TSHR: variants seen among roughly 807,000 people sequenced by gnomAD.
TSHR encodes thyroid stimulating hormone receptor.
A neutral mutation model predicts 64.1 loss-of-function variants in TSHR; 51 were observed. That is an observed-to-expected ratio of 0.80 (90% CI 0.64 to 1.01). The LOEUF is 1.01. TSHR is among the 50% of genes least tolerant of loss of function. TSHR has a pLI of 0.00. For synonymous variants in TSHR, 361 were observed against 361.9 expected (o/e 1.00, Z 0.03); for missense variants, 877 against 942.8 (o/e 0.93, Z 0.91).
chr14:81,100,656 C>G (rs1250628583), intron 7 of TSHR, among the ~76,000 whole-genome samples: 1 of 152,246 alleles, frequency 6.6e-6, no homozygotes, highest in Non-Finnish European at 1.5e-5. Flanking sequence ...GTCCCCTCCT[C>G]AGTTCAGTTA....
chr14:81,053,703 T>C (rs1885568284), intron 1 of TSHR: 1 of 152,188 alleles, frequency 6.6e-6, no homozygotes. Context: ...TAAATCATAT[T>C]CCTAGATATT....
intron 7 of TSHR, among the ~76,000 whole-genome samples, chr14:81,106,656 G>A (rs1268144899): frequency 1.3e-5 from 2 of 152,062 alleles, no homozygotes; most frequent in Non-Finnish European, 2.9e-5. Flanking sequence ...TATTTAAGAA[G>A]AAAATTGGGC....
At chr14:81,130,616 A>G (rs1001859053) in intron 8 of TSHR, among the ~76,000 whole-genome samples, 4 of 152,034 alleles carry the variant, frequency 2.6e-5, no homozygotes, top group Admixed American at 6.6e-5. Context: ...GATCTTATCC[A>G]CTTGTATGGA....
At chr14:81,116,845 G>A (rs1227625205) in intron 8 of TSHR, among the ~76,000 whole-genome samples, 22 of 150,056 alleles carry the variant, frequency 1.5e-4, no homozygotes, top group African/African-American at 5.0e-4. Flanking sequence ...TCAGACCACA[G>A]TGCAATCAAA....
chr14:80,983,428 C>T, intron 1 of TSHR: 1 of 1,253,498 alleles, frequency 8.0e-7, no homozygotes. Flanking sequence ...CCAACTGCAG[C>T]CAGAGACATG....
chr14:81,123,154 T>G (rs1165124190), intron 8 of TSHR, among the ~76,000 whole-genome samples: 1 of 151,924 alleles, frequency 6.6e-6, no homozygotes, highest in Non-Finnish European at 1.5e-5. Context: ...AACACTTAAT[T>G]TAATAACAAA....
chr14:81,101,638 T>A (rs1255372702), intron 7 of TSHR, among the ~76,000 whole-genome samples: 1 of 152,112 alleles, frequency 6.6e-6, no homozygotes, highest in African/African-American at 2.4e-5. Flanking sequence ...TTCCAGAAGC[T>A]CAGGGCACAA....
At chr14:80,982,330 G>GA (rs1888214464) in intron 1 of TSHR, 1 of 1,204,024 alleles carries the variant, frequency 8.3e-7, no homozygotes, top group Non-Finnish European at 1.2e-6. Flanking sequence ...CTGGGCTGAG[G>GA]AAGAGGCCAC....
intron 1 of TSHR, among the ~76,000 whole-genome samples, chr14:81,020,637 TAATAAATC>T (rs1883699351): frequency 1.3e-5 from 2 of 152,180 alleles, no homozygotes; most frequent in African/African-American, 4.8e-5. Flanking sequence ...ATAGAAACCA[TAATAAATC>T]AATTGCTTGC....
intron 1 of TSHR, chr14:80,993,173 C>A (rs1336051126): frequency 6.6e-6 from 1 of 152,156 alleles, no homozygotes; most frequent in Non-Finnish European, 1.5e-5. Context: ...AAATTGTACT[C>A]CCAAATTTGA....
At chr14:80,956,252 A>G (rs572584144) in intron 1 of TSHR, among the ~76,000 whole-genome samples, 1 of 152,074 alleles carries the variant, frequency 6.6e-6, no homozygotes, top group Non-Finnish European at 1.5e-5. Flanking sequence ...AAAAATATGT[A>G]TTTCTCCTTT....
intron 1 of TSHR, chr14:80,992,643 T>G (rs1888802398): frequency 6.6e-6 from 1 of 152,182 alleles, no homozygotes; most frequent in Non-Finnish European, 1.5e-5. Context: ...AACAAATGCT[T>G]GCTGAATGCA....
chr14:81,021,800 T>C (rs371401527), intron 1 of TSHR, among the ~76,000 whole-genome samples: 4 of 152,188 alleles, frequency 2.6e-5, no homozygotes, highest in Admixed American at 6.5e-5. Flanking sequence ...TGAGTCATGA[T>C]AAAAAAGAAA....
At chr14:81,020,364 T>C (rs6574618) in intron 1 of TSHR, among the ~76,000 whole-genome samples, 17,630 of 152,054 alleles carry the variant, frequency 0.12, 2,973 homozygotes, top group African/African-American at 0.38. Flanking sequence ...GGCAGGTGAG[T>C]GAGCAAAGCT....
At chr14:81,110,799 T>C (rs1412001370) in intron 8 of TSHR, among the ~76,000 whole-genome samples, 2 of 152,202 alleles carry the variant, frequency 1.3e-5, no homozygotes, top group Admixed American at 1.3e-4. Flanking sequence ...CACCCATCTT[T>C]GGTAATTTTT....
intron 8 of TSHR, among the ~76,000 whole-genome samples, chr14:81,128,804 T>C (rs1267823305): frequency 6.6e-6 from 1 of 152,170 alleles, no homozygotes; most frequent in Non-Finnish European, 1.5e-5. Flanking sequence ...AAGTTTCTCA[T>C]TGAGATCTTC....
At chr14:81,021,918 A>T (rs34074777) in intron 1 of TSHR, among the ~76,000 whole-genome samples, 13,076 of 152,246 alleles carry the variant, frequency 0.086, 822 homozygotes, top group South Asian at 0.2. Flanking sequence ...GACATTACTC[A>T]ATAGTTGGCA....
intron 8 of TSHR, among the ~76,000 whole-genome samples, chr14:81,110,230 C>T (rs73338257): frequency 0.026 from 3,964 of 152,232 alleles, 169 homozygotes; most frequent in African/African-American, 0.091. Context: ...ATGCTGAAGC[C>T]TTAACCTCTA....
intron 1 of TSHR, among the ~76,000 whole-genome samples, chr14:80,985,077 C>T (rs1220852480): frequency 2.0e-5 from 3 of 152,072 alleles, no homozygotes; most frequent in East Asian, 3.9e-4. Context: ...GGTGAAACCC[C>T]GTCTCTACTA....
Sources: gnomAD v4.1 joint callset for allele counts (sites outside exome capture counted in the v4.1 genomes callset) on GRCh38, gnomAD v4.1.1 for gene constraint, MANE v1.5 for transcripts, NCBI Gene and HGNC (gene_info 2026-07-23, HGNC 2026-07-21) for gene names.